Variants in NRG3 observed in about 807,000 individuals in gnomAD.
The protein encoded by NRG3 is neuregulin 3.
A neutral mutation model predicts 66.9 loss-of-function variants in NRG3; 31 were observed. The observed-to-expected ratio is 0.46, with a 90% CI of 0.35 to 0.63. The LOEUF (loss-of-function observed/expected upper bound fraction) is 0.63. NRG3 is among the 20% of genes least tolerant of loss of function. NRG3 has a pLI of 0.00. For missense variants in NRG3, 910 were observed against 878.9 expected, an observed-to-expected ratio of 1.04 and a Z score of -0.45; for synonymous variants, 393 against 359.4, an observed-to-expected ratio of 1.09 and a Z score of -1.06.
intron 1 of NRG3, among the ~76,000 whole-genome samples, chr10:82,007,159 A>T (rs988038225): frequency 2.0e-5 from 3 of 150,836 alleles, no homozygotes; most frequent in Admixed American, 1.3e-4. Flanking sequence ...TATAACTGTC[A>T]TTGTGCTATT....
intron 2 of NRG3, among the ~76,000 whole-genome samples, chr10:82,698,528 G>A (rs1287861964): frequency 6.6e-6 from 1 of 152,110 alleles, no homozygotes; most frequent in East Asian, 1.9e-4. Flanking sequence ...CATTTTTATT[G>A]ATCTACGTAA....
intron 4 of NRG3, among the ~76,000 whole-genome samples, chr10:82,932,965 TTCTTC>T (rs1170499973): frequency 1.3e-5 from 2 of 152,198 alleles, no homozygotes; most frequent in African/African-American, 4.8e-5. Context: ...TCACTCGCCT[TTCTTC>T]TCTTCTCTTC....
intron 1 of NRG3, among the ~76,000 whole-genome samples, chr10:82,241,232 C>A (rs901661735): frequency 6.6e-6 from 1 of 152,060 alleles, no homozygotes; most frequent in African/African-American, 2.4e-5. Flanking sequence ...AAGATAATTT[C>A]TTTGTCATAA....
chr10:82,198,161 C>T (rs948366513), intron 1 of NRG3, among the ~76,000 whole-genome samples: 3 of 152,168 alleles, frequency 2.0e-5, no homozygotes, highest in Non-Finnish European at 4.4e-5. Flanking sequence ...AATATGGGGA[C>T]GGAAACACTG....
At chr10:81,963,394 A>G (rs1334813193) in intron 1 of NRG3, among the ~76,000 whole-genome samples, 1 of 148,218 alleles carries the variant, frequency 6.7e-6, no homozygotes. Flanking sequence ...CGGCCTCCCA[A>G]AGTGCTGGGA....
intron 2 of NRG3, among the ~76,000 whole-genome samples, chr10:82,388,788 T>C (rs1459523300): frequency 6.6e-6 from 1 of 152,218 alleles, no homozygotes; most frequent in Non-Finnish European, 1.5e-5. Flanking sequence ...CTTTCTAACA[T>C]TGATTCAGCT....
intron 1 of NRG3, among the ~76,000 whole-genome samples, chr10:82,349,442 A>G (rs202022567): frequency 0.13 from 18,611 of 145,874 alleles, 1,129 homozygotes; most frequent in East Asian, 0.26. Context: ...CCAGCTGCGT[A>G]CTGGGAGAAC....
intron 4 of NRG3, among the ~76,000 whole-genome samples, chr10:82,923,588 G>A (rs1350654523): frequency 1.3e-5 from 2 of 152,114 alleles, no homozygotes; most frequent in Admixed American, 6.5e-5. Flanking sequence ...AATTATTAAT[G>A]CATGAATAAA....
intron 1 of NRG3, among the ~76,000 whole-genome samples, chr10:82,110,510 A>G (rs1033614192): frequency 6.6e-6 from 1 of 152,178 alleles, no homozygotes. Context: ...AACAACGGAA[A>G]CACAGAGACG....
rs1384549397 is a variant in NRG3 at position 82,358,803 on chromosome 10, A to G, written c.888A>G (p.Ala296=). 1.2e-6 allele frequency: 2 copies of G among 1,614,186 alleles called. No individual in the cohort carries two copies. Among genetic ancestry groups the G allele is most frequent in the Non-Finnish European group, 1.7e-6 (2 of 1,180,036 alleles). The change falls in exon 2 of 9, where the codon GCA becomes GCG. Residue 296 remains alanine, a synonymous_variant. Coordinates refer to ENST00000372141, the MANE Select transcript of NRG3 (RefSeq NM_001010848.4). ...AACCCTGCCGAGACAAGGACCTTGC[A>G]TACTGTCTCAATGATGGCGAGTGCT... The part of the protein sequence containing the change: ...HFKPCRDKDL[A]YCLNDGECFV...
intron 1 of NRG3, among the ~76,000 whole-genome samples, chr10:81,966,761 T>G (rs182280227): frequency 1.9e-3 from 282 of 152,348 alleles, no homozygotes; most frequent in Non-Finnish European, 3.4e-3. Context: ...ACTGTTTAGA[T>G]AATTCTCTTT....
At chr10:82,627,216 T>C (rs1035453242) in intron 2 of NRG3, among the ~76,000 whole-genome samples, 1 of 152,076 alleles carries the variant, frequency 6.6e-6, no homozygotes, top group Non-Finnish European at 1.5e-5. Context: ...TTCCAGCACA[T>C]TTTCTTCAGG....
intron 3 of NRG3, among the ~76,000 whole-genome samples, chr10:82,753,233 C>A (rs1003235625): frequency 2.0e-5 from 3 of 151,898 alleles, no homozygotes; most frequent in African/African-American, 7.2e-5. Context: ...AAATTTAATT[C>A]TTTTTATGAT....
intron 3 of NRG3, among the ~76,000 whole-genome samples, chr10:82,860,063 A>T (rs1412521097): frequency 1.3e-5 from 2 of 152,190 alleles, no homozygotes; most frequent in Non-Finnish European, 2.9e-5. Flanking sequence ...AATGTTGGGC[A>T]TATTTTCAGA....
intron 4 of NRG3, among the ~76,000 whole-genome samples, chr10:82,944,133 T>A (rs549382118): frequency 1.3e-5 from 2 of 152,318 alleles, no homozygotes; most frequent in Non-Finnish European, 2.9e-5. Flanking sequence ...GGTCTATAAA[T>A]TCACTTGTAG....
At chr10:82,764,294 T>A (rs1020080224) in intron 3 of NRG3, among the ~76,000 whole-genome samples, 12 of 152,108 alleles carry the variant, frequency 7.9e-5, no homozygotes, top group African/African-American at 2.9e-4. Flanking sequence ...TTCAGCTTTC[T>A]AGAGTGCTTG....
Position 82,809,658 on chromosome 10 carries a change from G to T in NRG3, c.1028-55753G>T, listed in dbSNP as rs555026169. On this transcript the variant is annotated intron_variant, in intron 3 of 8. Coordinates refer to ENST00000372141, the MANE Select transcript of NRG3 (RefSeq NM_001010848.4). ...ATTTGTCCCTGTTAACGTGGCTGTA[G>T]AGAATTTACTTTCAGGGTTCATTTG... is the stretch of plus-strand genomic sequence containing the variant. Among the ~76,000 whole-genome samples the T allele has an allele frequency of 1.8e-4, 28 of 152,214 alleles. No individual in the cohort carries two copies. The South Asian group carries it at 5.4e-3, about 29-fold the overall frequency.
chr10:82,381,133 G>C (rs1589921050), intron 2 of NRG3, among the ~76,000 whole-genome samples: 3 of 152,100 alleles, frequency 2.0e-5, no homozygotes, highest in African/African-American at 7.2e-5. Context: ...ATCAAAAAAG[G>C]CAGGTTAATA....
At chr10:82,518,255 A>C (rs1845880808) in intron 2 of NRG3, among the ~76,000 whole-genome samples, 1 of 152,198 alleles carries the variant, frequency 6.6e-6, no homozygotes, top group Non-Finnish European at 1.5e-5. Flanking sequence ...TTTGAAGTCA[A>C]AGTTGTTTAC....
Sources: gnomAD v4.1 joint callset for allele counts (sites outside exome capture counted in the v4.1 genomes callset) on GRCh38, gnomAD v4.1.1 for gene constraint, MANE v1.5 for transcripts, NCBI Gene and HGNC (gene_info 2026-07-23, HGNC 2026-07-21) for gene names.